Variants in ENTREP1 observed in about 807,000 individuals in gnomAD.
ENTREP1 encodes Friedreich ataxia region gene X123.
the ENTREP1 span, chr9:69,325,656 T>C: frequency 8.1e-7 from 1 of 1,231,290 alleles, no homozygotes; most frequent in South Asian, 4.1e-5. Flanking sequence ...GCGCTCAGCT[T>C]CGGGGCGCTG....
the ENTREP1 span, chr9:69,391,724 C>A: frequency 1.2e-6 from 2 of 1,611,686 alleles, no homozygotes; most frequent in South Asian, 1.1e-5. Flanking sequence ...GGGGAGGCCC[C>A]GAGCCGAGAG....
the ENTREP1 span, among the ~76,000 whole-genome samples, chr9:69,372,725 A>G: frequency 1.3e-5 from 2 of 152,136 alleles, no homozygotes; most frequent in Non-Finnish European, 2.9e-5. Context: ...TGGTAATTCT[A>G]TTTTAAATTT....
the ENTREP1 span, among the ~76,000 whole-genome samples, chr9:69,360,467 T>C: frequency 6.6e-6 from 1 of 152,314 alleles, no homozygotes; most frequent in East Asian, 1.9e-4. Flanking sequence ...CTCTTTCCTC[T>C]CCAGTAAAAT....
chr9:69,345,987 CTT>C, the ENTREP1 span, among the ~76,000 whole-genome samples: 2 of 146,348 alleles, frequency 1.4e-5, no homozygotes, highest in South Asian at 2.2e-4. Flanking sequence ...ACAAATAACA[CTT>C]TTTTTTTTTT....
the ENTREP1 span, among the ~76,000 whole-genome samples, chr9:69,333,036 G>T: frequency 6.6e-6 from 1 of 152,154 alleles, no homozygotes; most frequent in East Asian, 1.9e-4. Flanking sequence ...AGTATTTATT[G>T]AGAGAGAAAA....
At chr9:69,325,290 G>A in the ENTREP1 span, 1 of 563,400 alleles carries the variant, frequency 1.8e-6, no homozygotes, top group East Asian at 5.2e-5. Context: ...GCACCCGGCC[G>A]CACCCTTCCC....
chr9:69,369,334 T>G, the ENTREP1 span, among the ~76,000 whole-genome samples: 1 of 152,152 alleles, frequency 6.6e-6, no homozygotes, highest in Non-Finnish European at 1.5e-5. Flanking sequence ...TTATAATCCT[T>G]TGGGTATATA....
the ENTREP1 span, chr9:69,387,713 T>A: frequency 2.7e-6 from 1 of 369,252 alleles, no homozygotes; most frequent in Non-Finnish European, 5.1e-6. Context: ...AGCATTACAT[T>A]CATCTGACAA....
the ENTREP1 span, chr9:69,371,439 A>G: frequency 8.6e-7 from 1 of 1,163,832 alleles, no homozygotes; most frequent in Non-Finnish European, 1.3e-6. Context: ...AAATCAGGTA[A>G]AACTCTGTCT....
the ENTREP1 span, among the ~76,000 whole-genome samples, chr9:69,327,333 C>T: frequency 3.9e-5 from 6 of 152,220 alleles, no homozygotes; most frequent in South Asian, 2.1e-4. Context: ...GAATTAGACC[C>T]GTTATGCCAC....
At chr9:69,375,626 G>T in the ENTREP1 span, 1 of 869,322 alleles carries the variant, frequency 1.2e-6, no homozygotes, top group South Asian at 1.7e-5. Context: ...GGCATTGCCT[G>T]ACACAGAACC....
the ENTREP1 span, among the ~76,000 whole-genome samples, chr9:69,351,784 G>T: frequency 6.6e-6 from 1 of 152,092 alleles, no homozygotes; most frequent in African/African-American, 2.4e-5. Context: ...ATCAGATGTT[G>T]AACCTCTTGG....
chr9:69,343,732 A>G, the ENTREP1 span, among the ~76,000 whole-genome samples: 1 of 152,244 alleles, frequency 6.6e-6, no homozygotes, highest in Non-Finnish European at 1.5e-5. Context: ...TGCTAATTAA[A>G]CAAGGTAATA....
At chr9:69,368,581 A>G in the ENTREP1 span, among the ~76,000 whole-genome samples, 953 of 152,190 alleles carry the variant, frequency 6.3e-3, 12 homozygotes, top group African/African-American at 0.022. Flanking sequence ...TTTTGTGTCT[A>G]TGTTCATCAG....
chr9:69,333,138 A>G, the ENTREP1 span, among the ~76,000 whole-genome samples: 1 of 152,152 alleles, frequency 6.6e-6, no homozygotes, highest in Admixed American at 6.5e-5. Flanking sequence ...ATGTGTGTGT[A>G]GTAAGAATTT....
chr9:69,336,342 T>G, the ENTREP1 span: 1 of 874,748 alleles, frequency 1.1e-6, no homozygotes. Context: ...TATAAACCAC[T>G]GAAGAAATGC....
the ENTREP1 span, among the ~76,000 whole-genome samples, chr9:69,339,989 T>G: frequency 6.6e-6 from 1 of 151,968 alleles, no homozygotes; most frequent in African/African-American, 2.4e-5. Context: ...AGAACAAGAG[T>G]CTTGCCTTTT....
At chr9:69,332,476 A>C in the ENTREP1 span, among the ~76,000 whole-genome samples, 1 of 152,186 alleles carries the variant, frequency 6.6e-6, no homozygotes, top group African/African-American at 2.4e-5. Flanking sequence ...TGACTTGGCT[A>C]TTCATTTAAT....
the ENTREP1 span, among the ~76,000 whole-genome samples, chr9:69,369,955 G>T: frequency 4.6e-5 from 7 of 152,090 alleles, no homozygotes; most frequent in Non-Finnish European, 1.0e-4. Flanking sequence ...ACAAGTTGTT[G>T]TTTGTTCAAT....
Sources: allele counts gnomAD v4.1 joint callset (sites outside exome capture counted in the v4.1 genomes callset), GRCh38; gene constraint gnomAD v4.1.1; transcripts MANE v1.5; gene names NCBI Gene and HGNC (gene_info 2026-07-23, HGNC 2026-07-21).